Variants in ARHGEF9 observed in about 807,000 individuals in gnomAD.
ARHGEF9 encodes rho guanine nucleotide exchange factor 9.
Under a neutral mutation model 41.3 loss-of-function variants are expected in ARHGEF9, and 2 were observed. The observed-to-expected ratio is 0.05, with a 90% CI of 0.02 to 0.15. The LOEUF (loss-of-function observed/expected upper bound fraction) is 0.15, where lower values mean the gene tolerates loss of function less well. Among genes scored for constraint, ARHGEF9 ranks in the 10% least tolerant of loss-of-function variants. ARHGEF9 has a pLI of 1.00. For missense variants in ARHGEF9, 225 were observed against 424.7 expected (o/e 0.53, Z 4.13); for synonymous variants, 160 against 154.4 (o/e 1.04, Z -0.27).
chrX:63,759,650 C>T (rs1388051933), intron 1 of ARHGEF9, among the ~76,000 whole-genome samples: 2 of 112,139 alleles, frequency 1.8e-5, no homozygotes, highest in Admixed American at 9.4e-5. Context: ...ATCTGAAAGG[C>T]AGTTCAATAG....
At chrX:63,738,482 A>C (rs2054750206) in intron 1 of ARHGEF9, among the ~76,000 whole-genome samples, 1 of 111,767 alleles carries the variant, frequency 8.9e-6, no homozygotes, top group Non-Finnish European at 1.9e-5. Context: ...GGGCTGTGCC[A>C]GCTAACCTTT....
intron 1 of ARHGEF9, among the ~76,000 whole-genome samples, chrX:63,752,084 C>A (rs1556441810): frequency 2.7e-5 from 3 of 111,793 alleles, no homozygotes; most frequent in African/African-American, 6.5e-5. Context: ...AAAAAAAACC[C>A]CTTCGCTTAA....
chrX:63,649,012 A>C, intron 8 of ARHGEF9, among the ~76,000 whole-genome samples: 1 of 111,483 alleles, frequency 9.0e-6, no homozygotes, highest in East Asian at 2.8e-4. Context: ...GGAGACTTTA[A>C]CACCCCACTG....
intron 4 of ARHGEF9, among the ~76,000 whole-genome samples, chrX:63,695,576 T>C (rs1230053007): frequency 8.9e-6 from 1 of 111,950 alleles, no homozygotes; most frequent in Non-Finnish European, 1.9e-5. Flanking sequence ...CTTTCTAGAA[T>C]GGTTGAATGA....
At chrX:63,742,185 G>T (rs2055003511) in intron 1 of ARHGEF9, among the ~76,000 whole-genome samples, 1 of 111,863 alleles carries the variant, frequency 8.9e-6, no homozygotes, top group African/African-American at 3.3e-5. Context: ...CAAATGTAAG[G>T]TAAATTAGCC....
At chrX:63,645,589 T>C (rs1866690674) in intron 8 of ARHGEF9, among the ~76,000 whole-genome samples, 1 of 112,260 alleles carries the variant, frequency 8.9e-6, no homozygotes, top group South Asian at 3.7e-4. Flanking sequence ...TAGTATTCCA[T>C]GGTGCATATG....
intron 1 of ARHGEF9, among the ~76,000 whole-genome samples, chrX:63,781,403 T>C (rs1486133537): frequency 2.7e-5 from 3 of 111,321 alleles, no homozygotes; most frequent in African/African-American, 9.8e-5. Flanking sequence ...TAGAACCAAG[T>C]CTCAATTAGC....
rs1212697859 is a variant in ARHGEF9 at position 63,636,175 on chromosome X, C to G, written c.*1853G>C. The G allele has an allele frequency of 8.9e-6, 1 of 112,162 alleles. No homozygotes were observed. Among genetic ancestry groups the G allele is most frequent in the African/African-American group, 3.2e-5 (1 of 30,839 alleles). The allele number at this position is 112,162 out of a possible 1,213,427, so 9.2% of individuals were successfully genotyped here. A position where few individuals can be genotyped will look rare whatever the true frequency, so the allele number is the denominator to read the frequency against. ...TGCTAGCTATGCTGAAGCCTCCACA[C>G]AGCTATGGCTGCTGCTTGGTAAGCT... On this transcript the variant is annotated 3_prime_UTR_variant, in exon 10 of 10. Transcript: ENST00000671741.
At position 63,655,805 on chromosome X, in the gene ARHGEF9, G is replaced by A. The variant is rs1278502307; in HGVS notation, c.1078-68C>T. ...GAGTACTAGAAGAGTTGGCACAGGG[G>A]CACAGCAGAATGCTAACACTGTCAC... On this transcript the variant is annotated intron_variant, in intron 7 of 9. Transcript: ENST00000671741. The A allele has an allele frequency of 8.6e-6, 10 of 1,157,045 alleles. No individual in the cohort carries two copies. The African/African-American group carries it at 1.1e-4, about 12-fold the overall frequency.
intron 1 of ARHGEF9, among the ~76,000 whole-genome samples, chrX:63,774,848 C>T (rs1458010862): frequency 1.8e-5 from 2 of 112,046 alleles, no homozygotes; most frequent in Admixed American, 9.5e-5. Context: ...TAAAGAGCTT[C>T]TGCACAGCAA....
chrX:63,688,557 A>G (rs1159036265), intron 4 of ARHGEF9, among the ~76,000 whole-genome samples: 2 of 112,405 alleles, frequency 1.8e-5, no homozygotes, highest in Non-Finnish European at 3.8e-5. Flanking sequence ...AAAAATAATG[A>G]CAATTTATTA....
chrX:63,748,002 A>C (rs1482242261), intron 1 of ARHGEF9, among the ~76,000 whole-genome samples: 2 of 112,404 alleles, frequency 1.8e-5, no homozygotes, highest in Non-Finnish European at 3.8e-5. Flanking sequence ...CAAGTAACTT[A>C]TACTGCTTTT....
In ARHGEF9 at chrX:63,645,240, T is replaced by A. The variant is rs781898354; in HGVS notation, c.1322-1192A>T. On this transcript the variant is annotated intron_variant, in intron 8 of 9. Transcript: ENST00000671741. ...AAAATGATTTTTTTTTCACTTTTTT[T>A]AATATACTTTAAGTTTTAGGGCACA... Among the ~76,000 whole-genome samples, 18 of 111,583 alleles carry A rather than the reference T, an allele frequency of 1.6e-4. No individual in the cohort carries two copies. The South Asian group carries it at 3.1e-3, about 19-fold the overall frequency.
At chrX:63,760,598 T>A (rs1247895390) in intron 1 of ARHGEF9, among the ~76,000 whole-genome samples, 1 of 111,347 alleles carries the variant, frequency 9.0e-6, no homozygotes, top group Non-Finnish European at 1.9e-5. Context: ...ATAAAGTTGT[T>A]GATGATTACG....
chrX:63,774,656 C>T (rs1384536861), intron 1 of ARHGEF9, among the ~76,000 whole-genome samples: 2 of 111,404 alleles, frequency 1.8e-5, no homozygotes, highest in Admixed American at 1.9e-4. Context: ...CCTACCATGC[C>T]TACTCCCCAT....
chrX:63,732,552 C>T (rs1222298606), intron 1 of ARHGEF9, among the ~76,000 whole-genome samples: 1 of 111,422 alleles, frequency 9.0e-6, no homozygotes, highest in Non-Finnish European at 1.9e-5. Context: ...CTTAATGATG[C>T]GAATCTTAAA....
intron 1 of ARHGEF9, among the ~76,000 whole-genome samples, chrX:63,730,800 A>G (rs2054237692): frequency 9.0e-6 from 1 of 111,606 alleles, no homozygotes; most frequent in Admixed American, 9.4e-5. Context: ...GGCCTTCCTC[A>G]GTTGTTGGTA....
At position 63,635,596 on chromosome X, in the gene ARHGEF9, G is replaced by T. The variant is rs2047280302; in HGVS notation, c.*2432C>A. Reference sequence around the variant, plus strand: ...ACCAATGGGGAAATGATTTCTTGTTGTTCACAAATTAGTGGCATCAGGTGA... The same window carrying T: ...ACCAATGGGGAAATGATTTCTTGTTTTTCACAAATTAGTGGCATCAGGTGA... On this transcript the variant is annotated 3_prime_UTR_variant, in exon 10 of 10. Transcript: ENST00000671741. 2.4e-6 allele frequency: 1 copy of T among 413,594 alleles called. No homozygotes were observed. The highest frequency in any genetic ancestry group is 4.2e-6 in the Non-Finnish European group (1 of 239,394). The allele number at this position is 413,594 out of a possible 1,213,427, so 34.1% of individuals were successfully genotyped here. A position where few individuals can be genotyped will look rare whatever the true frequency, so the allele number is the denominator to read the frequency against.
At chrX:63,713,993 G>T (rs1297206516) in intron 2 of ARHGEF9, among the ~76,000 whole-genome samples, 1 of 111,393 alleles carries the variant, frequency 9.0e-6, no homozygotes, top group Non-Finnish European at 1.9e-5. Flanking sequence ...GAGAAATAAG[G>T]AGCTTCAACC....
Sources: gnomAD v4.1 joint callset for allele counts (sites outside exome capture counted in the v4.1 genomes callset) on GRCh38, gnomAD v4.1.1 for gene constraint, MANE v1.5 for transcripts, NCBI Gene and HGNC (gene_info 2026-07-23, HGNC 2026-07-21) for gene names.